NSG2: variants seen among roughly 807,000 people sequenced by gnomAD.
The protein encoded by NSG2 is neuronal vesicle trafficking-associated protein 2.
NSG2 carries 4 observed loss-of-function variants against 16.9 expected under a neutral mutation model. That is an observed-to-expected ratio of 0.24 (90% CI 0.12 to 0.54). NSG2 has a LOEUF of 0.54. Ranked by LOEUF, NSG2 falls within the 20% of genes least tolerant of loss-of-function variation. The probability of loss-of-function intolerance (pLI) is 0.95; values close to 1 mark genes in which losing one functional copy is unlikely to be tolerated. For synonymous variants in NSG2, 98 were observed against 88.7 expected (o/e 1.11, Z -0.59); for missense variants, 179 against 221.1 (o/e 0.81, Z 1.21).
rs1219612372 is a variant in NSG2, at chr5:174,066,002, A to G, written c.213+1687A>G. 2.6e-5 allele frequency among the ~76,000 whole-genome samples: 4 copies of G among 152,296 alleles called. No individual in the cohort carries two copies. The South Asian group carries it at 6.2e-4, about 24-fold the overall frequency. On this transcript the variant is annotated intron_variant, in intron 3 of 4. Coordinates refer to ENST00000303177, the MANE Select transcript of NSG2 (RefSeq NM_015980.5). The stretch of plus-strand genomic sequence containing the variant: ...TCGTGGTTGGTTATCTGGGAATTGA[A>G]GCGTATGCGGGGAGAAACATGTGGG...
chr5:174,077,837 C>T (rs1760373758), intron 3 of NSG2, among the ~76,000 whole-genome samples: 1 of 152,138 alleles, frequency 6.6e-6, no homozygotes, highest in Non-Finnish European at 1.5e-5. Context: ...CATTCTGGGG[C>T]CTTGAATACA....
At chr5:174,060,649 G>A (rs1448857641) in intron 2 of NSG2, among the ~76,000 whole-genome samples, 1 of 152,056 alleles carries the variant, frequency 6.6e-6, no homozygotes, top group Admixed American at 6.5e-5. Context: ...CTGCACCAGG[G>A]TCTCATGAGC....
At chr5:174,106,631 G>A (rs1005909946) in intron 4 of NSG2, among the ~76,000 whole-genome samples, 7 of 114,668 alleles carry the variant, frequency 6.1e-5, no homozygotes. Flanking sequence ...GTCTCACTCT[G>A]TCGCCCACGC....
intron 3 of NSG2, among the ~76,000 whole-genome samples, chr5:174,099,458 C>T (rs552975457): frequency 1.1e-4 from 17 of 152,262 alleles, no homozygotes; most frequent in African/African-American, 4.1e-4. Flanking sequence ...GGCCCCCTTG[C>T]CTTCAGCCAT....
rs746536659 is a variant in NSG2, at chr5:174,104,301, C to A, written c.287C>A (p.Thr96Asn). 6.2e-7 allele frequency: 1 copy of A among 1,614,130 alleles called. No homozygotes were observed. The highest frequency in any genetic ancestry group is 1.1e-5 in the South Asian group (1 of 91,086). Residue 96 changes from threonine to asparagine, a missense_variant, in exon 4 of 5, where the codon ACC (threonine) becomes AAC (asparagine). Coordinates refer to ENST00000303177, the MANE Select transcript of NSG2 (RefSeq NM_015980.5). ...IVFLVVYKAFTYDHSCPEGFV... is the reference protein window; with the variant it reads ...IVFLVVYKAFNYDHSCPEGFV... ...TTCCTGGTGGTTTACAAAGCCTTCA[C>A]CTATGATCACAGCTGCCCAGAGGGA...
intron 3 of NSG2, among the ~76,000 whole-genome samples, chr5:174,100,679 C>T (rs568963197): frequency 6.6e-6 from 1 of 152,314 alleles, no homozygotes; most frequent in South Asian, 2.1e-4. Flanking sequence ...TGCTCTCTAG[C>T]CCTGGTGGTG....
intron 4 of NSG2, among the ~76,000 whole-genome samples, chr5:174,106,868 C>T (rs1482588706): frequency 6.6e-6 from 1 of 152,056 alleles, no homozygotes; most frequent in East Asian, 1.9e-4. Context: ...GCTGGAATTA[C>T]AGGCGTGAGC....
chr5:174,046,582 A>G lies in NSG2; in HGVS notation c.-22-152A>G, dbSNP rs577504499. The G allele has an allele frequency of 1.4e-3, 893 of 623,464 alleles. 7 individuals carry two copies. Among genetic ancestry groups the G allele is most frequent in the South Asian group, 7.9e-3 (348 of 43,936 alleles). The allele number at this position is 623,464 out of a possible 1,614,324, so 38.6% of individuals were successfully genotyped here. A position where few individuals can be genotyped will look rare whatever the true frequency, so the allele number is the denominator to read the frequency against. ...GAAGTTTTGTTGGACAATGGGAATC[A>G]TGTCTGGAAATCTAGTGGAAGATCA... On this transcript the variant is annotated intron_variant, in intron 1 of 4. Coordinates refer to ENST00000303177, the MANE Select transcript of NSG2 (RefSeq NM_015980.5).
At chr5:174,096,842 C>T (rs150583476) in intron 3 of NSG2, among the ~76,000 whole-genome samples, 7 of 152,150 alleles carry the variant, frequency 4.6e-5, no homozygotes, top group African/African-American at 1.7e-4. Flanking sequence ...GCCCCAGATG[C>T]GGTGGGCAGC....
chr5:174,089,731 C>T lies in NSG2; in HGVS notation c.214-14497C>T, dbSNP rs568719861. On this transcript the variant is annotated intron_variant, in intron 3 of 4. Coordinates refer to ENST00000303177, the MANE Select transcript of NSG2 (RefSeq NM_015980.5). ...CTGGGCTCAAGTGATCCTCCCAGCTCAGCCTCCTGAGTAGCTGGGACTACA... is the reference window on the plus strand; with the variant it reads ...CTGGGCTCAAGTGATCCTCCCAGCTTAGCCTCCTGAGTAGCTGGGACTACA... 3.9e-5 allele frequency among the ~76,000 whole-genome samples: 6 copies of T among 152,262 alleles called. No homozygotes were observed. The South Asian group carries it at 1.0e-3, about 26-fold the overall frequency.
At chr5:174,088,736 C>T (rs896241800) in intron 3 of NSG2, among the ~76,000 whole-genome samples, 1 of 152,134 alleles carries the variant, frequency 6.6e-6, no homozygotes, top group Non-Finnish European at 1.5e-5. Context: ...TCCTTACATC[C>T]GTGCTTCAAG....
At chr5:174,099,323 C>T (rs1022255739) in intron 3 of NSG2, among the ~76,000 whole-genome samples, 2 of 152,130 alleles carry the variant, frequency 1.3e-5, no homozygotes, top group Non-Finnish European at 2.9e-5. Context: ...CTGAGCCGGC[C>T]CTTCCTCCTC....
At chr5:174,049,479 G>A (rs928812477) in intron 2 of NSG2, among the ~76,000 whole-genome samples, 10 of 152,204 alleles carry the variant, frequency 6.6e-5, no homozygotes, top group Non-Finnish European at 1.5e-4. Context: ...TCACACATGT[G>A]TGCAATTTTC....
chr5:174,107,059 A>G lies in NSG2; in HGVS notation c.325-255A>G, dbSNP rs564983116. 2.0e-5 allele frequency among the ~76,000 whole-genome samples: 3 copies of G among 152,296 alleles called. No individual in the cohort carries two copies. Among genetic ancestry groups the G allele is most frequent in the East Asian group, 3.9e-4 (2 of 5,162 alleles). On this transcript the variant is annotated intron_variant, in intron 4 of 4. Coordinates refer to ENST00000303177, the MANE Select transcript of NSG2 (RefSeq NM_015980.5). This position sits in a 1 kb window ranked among gnomAD's most constrained non-coding sequence, Gnocchi z 4.5. ...CATCCACTACAGCCGGACAGTCAGTATGCAGAGAAGGCTGGCCTTGAATCA... is the reference window on the plus strand; with the variant it reads ...CATCCACTACAGCCGGACAGTCAGTGTGCAGAGAAGGCTGGCCTTGAATCA...
At chr5:174,058,144 A>G (rs1759993878) in intron 2 of NSG2, among the ~76,000 whole-genome samples, 1 of 152,206 alleles carries the variant, frequency 6.6e-6, no homozygotes, top group South Asian at 2.1e-4. Context: ...TGGGGATTAC[A>G]TGGCATGAAG....
intron 3 of NSG2, among the ~76,000 whole-genome samples, chr5:174,069,564 A>G (rs531461112): frequency 6.6e-6 from 1 of 152,352 alleles, no homozygotes; most frequent in East Asian, 1.9e-4. Flanking sequence ...TAATAAAACC[A>G]GACAATAATA....
At chr5:174,098,468 G>C (rs1052665394) in intron 3 of NSG2, among the ~76,000 whole-genome samples, 3 of 152,098 alleles carry the variant, frequency 2.0e-5, no homozygotes, top group African/African-American at 7.2e-5. Flanking sequence ...CAGCCAGACT[G>C]CTTCTTCCAG....
At chr5:174,087,710 C>T (rs1299010722) in intron 3 of NSG2, among the ~76,000 whole-genome samples, 1 of 151,780 alleles carries the variant, frequency 6.6e-6, no homozygotes, top group Non-Finnish European at 1.5e-5. Context: ...ATCGCTTGTG[C>T]CTGGGAGGCT....
chr5:174,076,408 A>T (rs1760343800), intron 3 of NSG2, among the ~76,000 whole-genome samples: 2 of 152,166 alleles, frequency 1.3e-5, no homozygotes, highest in Non-Finnish European at 2.9e-5. Context: ...TCCAGGCTGA[A>T]TCATGTACAA....
Sources: allele counts gnomAD v4.1 joint callset (sites outside exome capture counted in the v4.1 genomes callset), GRCh38; gene constraint gnomAD v4.1.1; non-coding constraint Gnocchi (gnomAD v3.1); transcripts MANE v1.5; gene names NCBI Gene and HGNC (gene_info 2026-07-23, HGNC 2026-07-21).